The following GYS2 variants were observed in gnomAD, a reference collection of about 807,000 sequenced individuals.
The protein encoded by GYS2 is glycogen synthase 2.
In GYS2, 80 loss-of-function variants were observed where a neutral mutation model predicts 85.6. The ratio of observed to expected loss-of-function variants is 0.93; its 90% CI spans 0.78 to 1.13. The LOEUF (loss-of-function observed/expected upper bound fraction) is 1.13, where lower values mean the gene tolerates loss of function less well. Among genes scored for constraint, GYS2 ranks in the 50% most tolerant of loss-of-function variants. The pLI is 0.00. For missense variants in GYS2, 881 were observed against 854.9 expected, an observed-to-expected ratio of 1.03 and a Z score of -0.38; for synonymous variants, 328 against 300.7, an observed-to-expected ratio of 1.09 and a Z score of -0.94.
intron 12 of GYS2, among the ~76,000 whole-genome samples, chr12:21,545,121 A>G (rs186935503): frequency 6.6e-6 from 1 of 152,326 alleles, no homozygotes; most frequent in Admixed American, 6.5e-5. Context: ...AATTATAAAT[A>G]AAAATGTTTT....
At chr12:21,568,214 C>T (rs749400283) in intron 5 of GYS2, among the ~76,000 whole-genome samples, 9 of 152,194 alleles carry the variant, frequency 5.9e-5, no homozygotes, top group Non-Finnish European at 1.3e-4. Context: ...ATGAACACTA[C>T]CAATAGCTTT....
rs540415044 is a variant in GYS2 at position 21,599,996 on chromosome 12, T to C, written c.121+4476A>G. Among the ~76,000 whole-genome samples the C allele has an allele frequency of 4.6e-5, 7 of 152,274 alleles. No homozygotes were observed. In the South Asian group the frequency reaches 1.4e-3, roughly 32 times the overall value. On this transcript the variant is annotated intron_variant, in intron 1 of 15. Transcript: ENST00000261195. ...GAAACTGAGGCACAGAGATGCTATGTAATAAATCTCAACATTACCCAGGTG... is the reference window on the plus strand; with the variant it reads ...GAAACTGAGGCACAGAGATGCTATGCAATAAATCTCAACATTACCCAGGTG...
chr12:21,564,931 G>C (rs1312090577), intron 5 of GYS2, among the ~76,000 whole-genome samples: 1 of 152,136 alleles, frequency 6.6e-6, no homozygotes, highest in Non-Finnish European at 1.5e-5. Flanking sequence ...AAAGCAGCCT[G>C]GCTCAGGAGT....
intron 1 of GYS2, among the ~76,000 whole-genome samples, chr12:21,584,773 T>TAAGTCTTG (rs879319596): frequency 2.0e-4 from 30 of 152,196 alleles, no homozygotes; most frequent in Non-Finnish European, 4.3e-4. Flanking sequence ...CTGAACTCAA[T>TAAGTCTTG]GCTTATGCCA....
chr12:21,544,738 C>A (rs189329742), intron 12 of GYS2, among the ~76,000 whole-genome samples: 1 of 152,250 alleles, frequency 6.6e-6, no homozygotes, highest in East Asian at 1.9e-4. Flanking sequence ...GAGAGATACC[C>A]GGAAGAGTTA....
chr12:21,548,875 T>C (rs1944073429), intron 11 of GYS2, among the ~76,000 whole-genome samples: 1 of 152,166 alleles, frequency 6.6e-6, no homozygotes, highest in Admixed American at 6.5e-5. Flanking sequence ...TCCTTCTATT[T>C]CCTACTATTT....
intron 11 of GYS2, among the ~76,000 whole-genome samples, chr12:21,552,089 A>T (rs1944118107): frequency 6.6e-6 from 1 of 152,224 alleles, no homozygotes. Flanking sequence ...GCTGAAGGTT[A>T]TAAAGAGGAT....
At chr12:21,534,793 A>C (rs962904286), downstream of GYS2, among the ~76,000 whole-genome samples, 12 of 152,128 alleles carry the variant, frequency 7.9e-5, no homozygotes, top group African/African-American at 2.9e-4. Context: ...TCAGCTGATC[A>C]GGCACCACAC....
intron 15 of GYS2, among the ~76,000 whole-genome samples, chr12:21,537,920 G>A (rs541484739): frequency 1.1e-4 from 16 of 152,198 alleles, no homozygotes; most frequent in South Asian, 4.1e-4. Flanking sequence ...TATAGCGCTC[G>A]TCACTCTGTA....
chr12:21,575,791 G>A, intron 3 of GYS2, 75 bp downstream of exon 3: 1 of 1,130,922 alleles, frequency 8.8e-7, no homozygotes, highest in Non-Finnish European at 1.3e-6. Flanking sequence ...CTCATTTAAA[G>A]ATCATGGGAT....
At chr12:21,582,582 G>T (rs943163684) in intron 1 of GYS2, among the ~76,000 whole-genome samples, 3 of 114,834 alleles carry the variant, frequency 2.6e-5, no homozygotes, top group African/African-American at 6.6e-5. Flanking sequence ...TAGATATAGA[G>T]ATAGATATAG....
intron 3 of GYS2, 110 bp from the exon 4 acceptor site, chr12:21,574,436 A>T (rs1489846858): frequency 1.3e-6 from 1 of 778,066 alleles, no homozygotes; most frequent in Non-Finnish European, 2.2e-6. Context: ...TTTGCAACTT[A>T]AAGGAGTCGA....
chr12:21,562,865 A>C, intron 7 of GYS2, 53 bp downstream of exon 7: 1 of 1,601,846 alleles, frequency 6.2e-7, no homozygotes, highest in South Asian at 1.1e-5. Flanking sequence ...CACTTCCCAC[A>C]GAAGAAAGTT....
chr12:21,542,416 T>A (rs1591777410), intron 13 of GYS2, 80 bp downstream of exon 13: 2 of 851,676 alleles, frequency 2.3e-6, no homozygotes, highest in East Asian at 2.4e-5. Flanking sequence ...AGCTTTAGAG[T>A]TAGGCTCTGT....
At chr12:21,550,897 G>C (rs529997706) in intron 11 of GYS2, among the ~76,000 whole-genome samples, 2 of 152,090 alleles carry the variant, frequency 1.3e-5, no homozygotes, top group Admixed American at 6.5e-5. Flanking sequence ...AACGGAGATC[G>C]TGCCACTGCA....
intron 1 of GYS2, among the ~76,000 whole-genome samples, chr12:21,598,059 G>A (rs757394770): frequency 3.3e-5 from 5 of 152,008 alleles, no homozygotes; most frequent in Non-Finnish European, 7.4e-5. Flanking sequence ...GTACGTTATG[G>A]GAGGAAGGGA....
At chr12:21,542,173 G>C (rs1904122) in intron 13 of GYS2, among the ~76,000 whole-genome samples, 83,359 of 151,654 alleles carry the variant, frequency 0.55, 25,085 homozygotes, top group East Asian at 0.77. Context: ...TCAGCCTCTG[G>C]AGTAGCTGGA....
chr12:21,597,213 A>G (rs1944706492), intron 1 of GYS2, among the ~76,000 whole-genome samples: 1 of 152,106 alleles, frequency 6.6e-6, no homozygotes, highest in Non-Finnish European at 1.5e-5. Flanking sequence ...AAATGGGACT[A>G]TATTAAGCTA....
chr12:21,596,294 CA>C (rs983263916), intron 1 of GYS2, among the ~76,000 whole-genome samples: 10 of 151,680 alleles, frequency 6.6e-5, no homozygotes, highest in African/African-American at 2.4e-4. Flanking sequence ...AGGACATAAC[CA>C]AAAAAGAAAA....
Sources: gnomAD v4.1 joint callset for allele counts (sites outside exome capture counted in the v4.1 genomes callset) on GRCh38, gnomAD v4.1.1 for gene constraint, MANE v1.5 for transcripts, NCBI Gene and HGNC (gene_info 2026-07-23, HGNC 2026-07-21) for gene names.